Variants in LRRC7 observed in about 807,000 individuals in gnomAD.
LRRC7 encodes leucine-rich repeat-containing protein 7.
A neutral mutation model predicts 175.7 loss-of-function variants in LRRC7; 23 were observed. The observed-to-expected ratio is 0.13, with a 90% CI of 0.09 to 0.19. The LOEUF is 0.19. Among genes scored for constraint, LRRC7 ranks in the 10% least tolerant of loss-of-function variants. The pLI is 1.00. For missense variants in LRRC7, 1,354 were observed against 1,904.7 expected, an observed-to-expected ratio of 0.71 and a Z score of 5.38; for synonymous variants, 685 against 680.9, an observed-to-expected ratio of 1.01 and a Z score of -0.09.
chr1:69,830,889 A>G (rs1464561252), intron 5 of LRRC7, among the ~76,000 whole-genome samples: 1 of 151,818 alleles, frequency 6.6e-6, no homozygotes, highest in Non-Finnish European at 1.5e-5. Flanking sequence ...CATATAACCT[A>G]TTTTTGCTGG....
chr1:69,726,776 G>GA (rs571195016), intron 2 of LRRC7, among the ~76,000 whole-genome samples: 40 of 142,286 alleles, frequency 2.8e-4, no homozygotes, highest in East Asian at 8.1e-4. Context: ...GTCCACAGAA[G>GA]AAAAAAAAAA....
chr1:69,903,722 G>A (rs1646209020), intron 7 of LRRC7, among the ~76,000 whole-genome samples: 1 of 152,020 alleles, frequency 6.6e-6, no homozygotes, highest in East Asian at 1.9e-4. Context: ...TCCAGGAGCT[G>A]GTTTTTTGAA....
At chr1:69,674,189 A>ACATTTAATAAATGTAATTT (rs1659481939) in intron 1 of LRRC7, among the ~76,000 whole-genome samples, 1 of 152,118 alleles carries the variant, frequency 6.6e-6, no homozygotes, top group Non-Finnish European at 1.5e-5. Context: ...ATTTTACCAG[A>ACATTTAATAAATGTAATTT]ATTAAAAATA....
intron 25 of LRRC7, among the ~76,000 whole-genome samples, chr1:70,096,470 A>AT (rs1664405426): frequency 6.6e-6 from 1 of 152,180 alleles, no homozygotes; most frequent in Admixed American, 6.5e-5. Flanking sequence ...GAGGACATTC[A>AT]TTAATAGAAA....
intron 3 of LRRC7, among the ~76,000 whole-genome samples, chr1:69,789,479 C>A (rs1674865075): frequency 6.6e-6 from 1 of 151,950 alleles, no homozygotes; most frequent in African/African-American, 2.4e-5. Context: ...CATTTTAATT[C>A]AAAGCTTTCG....
At chr1:69,650,050 A>G (rs1655572768) in intron 1 of LRRC7, among the ~76,000 whole-genome samples, 1 of 152,178 alleles carries the variant, frequency 6.6e-6, no homozygotes, top group African/African-American at 2.4e-5. Flanking sequence ...ATTAATTTCA[A>G]GTCAGTGTGA....
chr1:70,092,442 G>A (rs1664099001), intron 25 of LRRC7, among the ~76,000 whole-genome samples: 1 of 152,080 alleles, frequency 6.6e-6, no homozygotes, highest in South Asian at 2.1e-4. Context: ...TTTCCTTACT[G>A]CTCATGGATG....
At chr1:69,852,130 CTT>C (rs1386323036) in intron 7 of LRRC7, among the ~76,000 whole-genome samples, 1 of 151,684 alleles carries the variant, frequency 6.6e-6, no homozygotes, top group East Asian at 1.9e-4. Flanking sequence ...ATTCTTTTCT[CTT>C]TGTTACATTG....
chr1:70,047,819 A>T (rs942829148), intron 22 of LRRC7, among the ~76,000 whole-genome samples: 13 of 152,160 alleles, frequency 8.5e-5, no homozygotes, highest in Non-Finnish European at 1.8e-4. Context: ...TAACAAAATT[A>T]GTTTAATAAA....
chr1:70,108,636 A>G (rs1023005988), intron 26 of LRRC7, among the ~76,000 whole-genome samples: 1 of 152,206 alleles, frequency 6.6e-6, no homozygotes, highest in Admixed American at 6.5e-5. Flanking sequence ...CCGTTATATA[A>G]ATAGGTGGAA....
intron 2 of LRRC7, among the ~76,000 whole-genome samples, chr1:69,699,543 A>G (rs1320100548): frequency 6.6e-6 from 1 of 150,894 alleles, no homozygotes; most frequent in East Asian, 1.9e-4. Context: ...ATCTAAAAAA[A>G]AAGAGAGAGA....
At chr1:69,675,774 C>T (rs1475042566) in intron 1 of LRRC7, among the ~76,000 whole-genome samples, 2 of 152,000 alleles carry the variant, frequency 1.3e-5, no homozygotes, top group Middle Eastern at 3.2e-3. Context: ...GACCTAGAAG[C>T]TTAATCTTCA....
In LRRC7 at chr1:69,883,701, C is replaced by T. The variant is rs1182780088; in HGVS notation, c.647+45418C>T. 1.0e-4 allele frequency among the ~76,000 whole-genome samples: 10 copies of T among 95,850 alleles called. 2 individuals carry two copies. Among genetic ancestry groups the T allele is most frequent in the South Asian group, 9.7e-4 (3 of 3,082 alleles). The allele number at this position is 95,850 out of a possible 152,430, so 62.9% of individuals were successfully genotyped here. Reference sequence around the variant, plus strand: ...TGAAGTCCTTGCCCATGCCTATGTCCGGAATGGTAATGCCTAGGTTTTCTT... The same window carrying T: ...TGAAGTCCTTGCCCATGCCTATGTCTGGAATGGTAATGCCTAGGTTTTCTT... On this transcript the variant is annotated intron_variant, in intron 7 of 26. Coordinates refer to ENST00000651989, the MANE Select transcript of LRRC7 (RefSeq NM_001370785.2).
At chr1:69,885,437 G>A (rs1468633077) in intron 7 of LRRC7, among the ~76,000 whole-genome samples, 1 of 144,182 alleles carries the variant, frequency 6.9e-6, no homozygotes, top group Non-Finnish European at 1.5e-5. Context: ...ATGGTAGTTT[G>A]TATTTCTGTG....
At chr1:69,877,576 A>G (rs1686157031) in intron 7 of LRRC7, among the ~76,000 whole-genome samples, 1 of 152,186 alleles carries the variant, frequency 6.6e-6, no homozygotes, top group Non-Finnish European at 1.5e-5. Flanking sequence ...TTTATAGAGA[A>G]GTGCAATTAT....
chr1:69,882,083 T>C (rs1318677304), intron 7 of LRRC7, among the ~76,000 whole-genome samples: 1 of 148,702 alleles, frequency 6.7e-6, no homozygotes, highest in African/African-American at 2.5e-5. Flanking sequence ...TAAATAAACA[T>C]TTTTCCAAAG....
intron 11 of LRRC7, among the ~76,000 whole-genome samples, chr1:70,009,888 T>C (rs1217970027): frequency 6.6e-6 from 1 of 152,122 alleles, no homozygotes; most frequent in Non-Finnish European, 1.5e-5. Flanking sequence ...CCATGGACAG[T>C]GGTACTTGAT....
At chr1:69,704,495 T>C (rs921755373) in intron 2 of LRRC7, among the ~76,000 whole-genome samples, 4 of 152,132 alleles carry the variant, frequency 2.6e-5, no homozygotes, top group African/African-American at 9.6e-5. Flanking sequence ...TTTAATGTTC[T>C]AGAATGGCTT....
intron 3 of LRRC7, 93 bp from the exon 4 acceptor site, chr1:69,791,950 C>CATAT: frequency 1.3e-6 from 1 of 772,734 alleles, no homozygotes; most frequent in African/African-American, 1.8e-5. Context: ...TTTACTACTA[C>CATAT]ATATATAAAC....
Sources: gnomAD v4.1 joint callset for allele counts (sites outside exome capture counted in the v4.1 genomes callset) on GRCh38, gnomAD v4.1.1 for gene constraint, MANE v1.5 for transcripts, NCBI Gene and HGNC (gene_info 2026-07-23, HGNC 2026-07-21) for gene names.